The following PARD3B variants were observed in gnomAD, a reference collection of about 807,000 sequenced individuals.
The protein encoded by PARD3B is partitioning defective 3 homolog B.
PARD3B carries 103 observed loss-of-function variants against 130.2 expected under a neutral mutation model. The ratio of observed to expected loss-of-function variants is 0.79; its 90% CI spans 0.67 to 0.93. PARD3B has a LOEUF of 0.93. Among genes scored for constraint, PARD3B ranks in the 40% least tolerant of loss-of-function variants. The pLI is 0.00. For synonymous variants in PARD3B, 583 were observed against 553.2 expected, an observed-to-expected ratio of 1.05 and a Z score of -0.76; for missense variants, 1,609 against 1,499.2, an observed-to-expected ratio of 1.07 and a Z score of -1.21.
At chr2:204,884,698 A>G (rs1313523333) in intron 2 of PARD3B, among the ~76,000 whole-genome samples, 1 of 152,146 alleles carries the variant, frequency 6.6e-6, no homozygotes, top group Non-Finnish European at 1.5e-5. Flanking sequence ...TGTAAGTGAG[A>G]ACATGTGATG....
intron 2 of PARD3B, among the ~76,000 whole-genome samples, chr2:204,848,725 A>G (rs1356182683): frequency 1.3e-5 from 2 of 151,482 alleles, no homozygotes; most frequent in Admixed American, 6.6e-5. Context: ...TTAAACATAT[A>G]TTAAAAATAA....
At chr2:204,774,406 C>A (rs947114193) in intron 2 of PARD3B, among the ~76,000 whole-genome samples, 4 of 151,890 alleles carry the variant, frequency 2.6e-5, no homozygotes, top group African/African-American at 9.7e-5. Flanking sequence ...GCTGAACAGG[C>A]GTAGAAATCA....
chr2:205,215,441 A>G (rs2037858353), intron 15 of PARD3B, among the ~76,000 whole-genome samples: 1 of 152,160 alleles, frequency 6.6e-6, no homozygotes, highest in South Asian at 2.1e-4. Context: ...AATACTTGAC[A>G]AAAGATTAAC....
chr2:205,489,171 A>G (rs2049568479), intron 20 of PARD3B, among the ~76,000 whole-genome samples: 1 of 152,120 alleles, frequency 6.6e-6, no homozygotes, highest in Non-Finnish European at 1.5e-5. Context: ...TAAACACTTG[A>G]TAAGTTTCTT....
intron 2 of PARD3B, among the ~76,000 whole-genome samples, chr2:204,707,877 A>G (rs1230063353): frequency 1.3e-5 from 2 of 152,140 alleles, no homozygotes; most frequent in African/African-American, 4.8e-5. Context: ...TTTACCTTGA[A>G]AATATTCCCT....
intron 3 of PARD3B, among the ~76,000 whole-genome samples, chr2:204,972,765 A>AC (rs1171106961): frequency 1.3e-5 from 2 of 152,156 alleles, no homozygotes; most frequent in African/African-American, 2.4e-5. Flanking sequence ...CCAATGCTGG[A>AC]CCCACACTGA....
At chr2:205,298,781 G>T (rs2041884719) in intron 16 of PARD3B, among the ~76,000 whole-genome samples, 1 of 152,204 alleles carries the variant, frequency 6.6e-6, no homozygotes, top group Non-Finnish European at 1.5e-5. Context: ...ATGTAGGGCA[G>T]TTTAAGTTGT....
chr2:204,892,057 CATT>C (rs1236767354), intron 2 of PARD3B, among the ~76,000 whole-genome samples: 2 of 152,230 alleles, frequency 1.3e-5, no homozygotes, highest in Admixed American at 6.5e-5. Flanking sequence ...GACAATATAA[CATT>C]ATAACACAGG....
At chr2:205,046,183 T>C (rs918068582) in intron 3 of PARD3B, among the ~76,000 whole-genome samples, 1 of 152,104 alleles carries the variant, frequency 6.6e-6, no homozygotes, top group East Asian at 1.9e-4. Context: ...CAGAAAAAGA[T>C]ACTGGTATGG....
intron 1 of PARD3B, among the ~76,000 whole-genome samples, chr2:204,565,642 A>G (rs2031628636): frequency 6.6e-6 from 1 of 152,220 alleles, no homozygotes; most frequent in South Asian, 2.1e-4. Flanking sequence ...TTTTTGGATT[A>G]TGATTGACAA....
intron 16 of PARD3B, among the ~76,000 whole-genome samples, chr2:205,275,837 C>CAAAA (rs59238795): frequency 2.3e-4 from 14 of 60,642 alleles, no homozygotes; most frequent in Admixed American, 4.1e-4. Context: ...AACTTTGTCT[C>CAAAA]AAAAAAAAAA....
At position 205,125,659 on chromosome 2, in the gene PARD3B, G is replaced by A. The variant is rs1231609030; in HGVS notation, c.1356G>A (p.Met452Ile). Residue 452 changes from methionine to isoleucine, a missense_variant, in exon 10 of 23, where the codon ATG (methionine) becomes ATA (isoleucine). Transcript: ENST00000406610. This position sits in a 1 kb window ranked among gnomAD's most constrained non-coding sequence, Gnocchi z 4.0. ...TGRTQEELVAMLRSTKQGETA... is the reference protein window; with the variant it reads ...TGRTQEELVAILRSTKQGETA... ...GAACCCAGGAAGAGCTTGTGGCCAT[G>A]CTCAGGAGCACCAAGCAGGGGGAGA... 4 of 1,614,094 alleles carry A rather than the reference G, an allele frequency of 2.5e-6. No homozygotes were observed. Among genetic ancestry groups the A allele is most frequent in the Non-Finnish European group, 3.4e-6 (4 of 1,180,014 alleles).
chr2:205,213,235 C>A (rs2037739966), intron 15 of PARD3B, among the ~76,000 whole-genome samples: 1 of 151,870 alleles, frequency 6.6e-6, no homozygotes, highest in African/African-American at 2.4e-5. Context: ...TTTCCAGCTC[C>A]TTTTCTGAAT....
Position 205,572,407 on chromosome 2 carries a change from T to C in PARD3B, c.3260+19004T>C, listed in dbSNP as rs776926894. Among the ~76,000 whole-genome samples, 2 of 152,154 alleles carry C rather than the reference T, an allele frequency of 1.3e-5. No homozygotes were observed. Among genetic ancestry groups the C allele is most frequent in the Non-Finnish European group, 2.9e-5 (2 of 68,032 alleles). On this transcript the variant is annotated intron_variant, in intron 22 of 22. Coordinates refer to ENST00000406610, the MANE Select transcript of PARD3B (RefSeq NM_001302769.2). The surrounding 1 kb of genome is among the most constrained non-coding windows in gnomAD (Gnocchi z 4.2). ...TAAAGAAAGAAATGGTTTAATCAGATTTGCACTGTAGAGAAAGCCCCTTGA... is the reference window on the plus strand; with the variant it reads ...TAAAGAAAGAAATGGTTTAATCAGACTTGCACTGTAGAGAAAGCCCCTTGA...
At chr2:204,850,614 G>A (rs1264048893) in intron 2 of PARD3B, among the ~76,000 whole-genome samples, 1 of 152,014 alleles carries the variant, frequency 6.6e-6, no homozygotes, top group Admixed American at 6.6e-5. Flanking sequence ...ATATGAACTC[G>A]TTGTATTCAT....
chr2:205,140,120 A>C (rs1451289119), intron 10 of PARD3B, among the ~76,000 whole-genome samples: 1 of 152,226 alleles, frequency 6.6e-6, no homozygotes, highest in Non-Finnish European at 1.5e-5. Context: ...CGGCACATTG[A>C]GAGGCCAGGG....
intron 20 of PARD3B, among the ~76,000 whole-genome samples, chr2:205,453,127 G>A (rs903240493): frequency 6.6e-6 from 1 of 152,144 alleles, no homozygotes; most frequent in African/African-American, 2.4e-5. Context: ...CCAGAGAGAT[G>A]CAGCTGACAA....
intron 2 of PARD3B, among the ~76,000 whole-genome samples, chr2:204,920,554 C>G (rs1278943104): frequency 6.6e-6 from 1 of 152,120 alleles, no homozygotes; most frequent in African/African-American, 2.4e-5. Context: ...CCTTCAAATA[C>G]CTTTGTGCTC....
chr2:205,118,820 T>C (rs1478700142), intron 6 of PARD3B, 101 bp from the exon 7 acceptor site: 2 of 916,616 alleles, frequency 2.2e-6, no homozygotes, highest in Non-Finnish European at 3.0e-6. Flanking sequence ...AAATTTCTTT[T>C]GTAAATAGAA....
Sources: allele counts gnomAD v4.1 joint callset (sites outside exome capture counted in the v4.1 genomes callset), GRCh38; gene constraint gnomAD v4.1.1; non-coding constraint Gnocchi (gnomAD v3.1); transcripts MANE v1.5; gene names NCBI Gene and HGNC (gene_info 2026-07-23, HGNC 2026-07-21).